The following CDCA2 variants were observed in gnomAD, a reference collection of about 807,000 sequenced individuals.
CDCA2 encodes cell division cycle associated 2, also known as cell division cycle-associated protein 2.
In CDCA2, 44 loss-of-function variants were observed where a neutral mutation model predicts 67.0. The ratio of observed to expected loss-of-function variants is 0.66; its 90% CI spans 0.52 to 0.84. The LOEUF is 0.84. Ranked by LOEUF, CDCA2 falls within the 40% of genes least tolerant of loss-of-function variation. The pLI is 0.00. For synonymous variants in CDCA2, 447 were observed against 418.7 expected, an observed-to-expected ratio of 1.07 and a Z score of -0.82; for missense variants, 1,253 against 1,203.2, an observed-to-expected ratio of 1.04 and a Z score of -0.61.
At chr8:25,463,471 T>C (rs1802780264) in intron 4 of CDCA2, among the ~76,000 whole-genome samples, 1 of 152,218 alleles carries the variant, frequency 6.6e-6, no homozygotes, top group South Asian at 2.1e-4. Context: ...GTGCTGCCAC[T>C]TGTATTAAAA....
At chr8:25,467,624 A>G (rs1802966493) in intron 5 of CDCA2, among the ~76,000 whole-genome samples, 1 of 152,180 alleles carries the variant, frequency 6.6e-6, no homozygotes, top group Admixed American at 6.5e-5. Flanking sequence ...ACCATATTAG[A>G]CATGCAAAAG....
In CDCA2 at chr8:25,460,529, T is replaced by C. The variant is rs1007253002; in HGVS notation, c.207T>C (p.Pro69=). ...CCGTAGAGCAATTGGGAATTACACC[T>C]GAAAGCTTTGTTAGGAACTCTGCAG... The part of the protein sequence containing the change: ...TVTVEQLGIT[P]ESFVRNSAGK... Residue 69 remains proline (P), a synonymous_variant, in exon 3 of 15, where the codon CCT becomes CCC. Transcript: ENST00000330560. The C allele has an allele frequency of 1.2e-6, 2 of 1,613,998 alleles. No homozygotes were observed. Among genetic ancestry groups the C allele is most frequent in the East Asian group, 4.5e-5 (2 of 44,878 alleles).
chr8:25,473,494 A>C (rs1472454435), intron 7 of CDCA2, among the ~76,000 whole-genome samples: 1 of 152,218 alleles, frequency 6.6e-6, no homozygotes, highest in Non-Finnish European at 1.5e-5. Flanking sequence ...CATGTGCATC[A>C]TATGAGCATT....
chr8:25,468,357 T>G lies in CDCA2; in HGVS notation c.679T>G (p.Phe227Val), dbSNP rs780407857. 1 of 1,613,820 alleles carries G rather than the reference T, an allele frequency of 6.2e-7. No homozygotes were observed. ...AEGKVIGLQI[F>V]NIDTDRACAV... is the part of the protein sequence containing the mutation. ...AGGAAAAGTAATTGGTCTCCAGATA[T>G]TCAATATTGATACAGACAGAGCATG... The change falls in exon 6 of 15, where the codon TTC becomes GTC. Residue 227 changes from phenylalanine (F) to valine (V), a missense_variant. By Grantham distance (50) the Phe-to-Val change is conservative. Coordinates refer to ENST00000330560, the MANE Select transcript of CDCA2 (RefSeq NM_152562.4).
Position 25,507,254 on chromosome 8 carries a change from G to T in CDCA2, c.2588G>T (p.Ser863Ile), listed in dbSNP as rs778164615. 11 of 1,614,010 alleles carry T rather than the reference G, an allele frequency of 6.8e-6. No homozygotes were observed. In the Admixed American group the frequency reaches 8.3e-5, roughly 12 times the overall value. ...SSSVGSSVEI[S>I]LENSELFKDL... Reference sequence around the variant, plus strand: ...AGTGTGGGCAGCTCTGTAGAAATTAGTTTAGAAAATTCTGAACTGTTTAAA... The same window carrying T: ...AGTGTGGGCAGCTCTGTAGAAATTATTTTAGAAAATTCTGAACTGTTTAAA... The change falls in exon 15 of 15, where the codon AGT becomes ATT. Residue 863 changes from serine (S) to isoleucine (I), a missense_variant. By Grantham distance (142) the Ser-to-Ile change is moderately radical (BLOSUM62 -2). Transcript: ENST00000330560.
chr8:25,475,728 C>T (rs1803323058), intron 7 of CDCA2, among the ~76,000 whole-genome samples: 1 of 152,160 alleles, frequency 6.6e-6, no homozygotes, highest in Non-Finnish European at 1.5e-5. Context: ...AACCATGTTT[C>T]CTGCAGTTTA....
At chr8:25,480,931 T>C (rs1417188390) in intron 8 of CDCA2, among the ~76,000 whole-genome samples, 1 of 152,244 alleles carries the variant, frequency 6.6e-6, no homozygotes, top group African/African-American at 2.4e-5. Flanking sequence ...AATGGGATAA[T>C]ATAAAATCAC....
At chr8:25,479,002 CGCA>C (rs1803464303) in intron 7 of CDCA2, among the ~76,000 whole-genome samples, 1 of 151,712 alleles carries the variant, frequency 6.6e-6, no homozygotes, top group Admixed American at 6.6e-5. Context: ...CCTAGTTTCC[CGCA>C]GTAGTGACAT....
At chr8:25,497,862 A>G (rs1487364047) in intron 13 of CDCA2, among the ~76,000 whole-genome samples, 1 of 152,192 alleles carries the variant, frequency 6.6e-6, no homozygotes, top group Non-Finnish European at 1.5e-5. Flanking sequence ...TTGCCCATCA[A>G]AACTGAATCT....
intron 3 of CDCA2, 85 bp downstream of exon 3, chr8:25,460,639 C>A: frequency 7.1e-7 from 1 of 1,404,272 alleles, no homozygotes; most frequent in Non-Finnish European, 9.7e-7. Flanking sequence ...TTTATACGTA[C>A]TGTCATATTT....
chr8:25,469,050 G>A (rs553076696), intron 6 of CDCA2, among the ~76,000 whole-genome samples: 1 of 152,220 alleles, frequency 6.6e-6, no homozygotes, highest in Non-Finnish European at 1.5e-5. Context: ...TGACCTGCGC[G>A]CACGCGTGAA....
rs1563289631 is a variant in CDCA2, at chr8:25,507,530, CAG to C, written c.2866_2867del (p.Asp956SerfsTer14). 6.2e-7 allele frequency: 1 copy of C among 1,613,988 alleles called. No homozygotes were observed. The highest frequency in any genetic ancestry group is 8.5e-7 in the Non-Finnish European group (1 of 1,179,992). The stretch of plus-strand genomic sequence containing the variant: ...AAACCGCAGATGGCACCTCCCGTCT[CAG>C]ATCCAGAAAACAGCCAGGGCCCTGC... On this transcript the variant is annotated frameshift_variant, in exon 15 of 15. Coordinates refer to ENST00000330560, the MANE Select transcript of CDCA2 (RefSeq NM_152562.4). LOFTEE classifies it low-confidence loss of function (END_TRUNC).
At chr8:25,476,817 G>GT (rs1251758464) in intron 7 of CDCA2, among the ~76,000 whole-genome samples, 1 of 152,052 alleles carries the variant, frequency 6.6e-6, no homozygotes, top group Non-Finnish European at 1.5e-5. Context: ...GCCTCCCAAA[G>GT]TGCTGGAATT....
At chr8:25,484,944 G>A (rs988228476) in intron 10 of CDCA2, among the ~76,000 whole-genome samples, 2 of 152,116 alleles carry the variant, frequency 1.3e-5, no homozygotes, top group Non-Finnish European at 2.9e-5. Context: ...CTACAGTTCA[G>A]TATCCTTGTA....
chr8:25,462,349 G>A (rs1425172989), intron 4 of CDCA2, 141 bp downstream of exon 4: 13 of 915,896 alleles, frequency 1.4e-5, no homozygotes, highest in Middle Eastern at 3.0e-4. Context: ...GTTAGCGGCC[G>A]GGCGCGGTGG....
chr8:25,485,809 T>A lies in CDCA2; in HGVS notation c.1416T>A (p.Asn472Lys). The A allele has an allele frequency of 6.2e-7, 1 of 1,606,106 alleles. No individual in the cohort carries two copies. Residue 472 changes from asparagine to lysine, a missense_variant, in exon 11 of 15, where the codon AAT becomes AAA. Coordinates refer to ENST00000330560, the MANE Select transcript of CDCA2 (RefSeq NM_152562.4). ...QVSFAVLSSPNKSSISETLSG... is the reference protein window; with the variant it reads ...QVSFAVLSSPKKSSISETLSG... ...CATTTGCCGTTCTCAGTTCTCCTAA[T>A]AAATCATCAATCTCTGAGACCCTTT...
chr8:25,488,600 G>GCCTTGT lies in CDCA2; in HGVS notation c.1582_1583insCCTTGT (p.Glu528delinsAlaLeuTer), dbSNP rs1803873842. 6.2e-7 allele frequency: 1 copy of GCCTTGT among 1,612,966 alleles called. No individual in the cohort carries two copies. The highest frequency in any genetic ancestry group is 1.3e-5 in the African/African-American group (1 of 74,836). ...GAGTGTTTGCAACTTATTGAATACAGAAGTTCAGCCTTGTAAAGAAAAGAA... is the reference window on the plus strand; with the variant it reads ...GAGTGTTTGCAACTTATTGAATACAGCCTTGTAAGTTCAGCCTTGTAAAGAAAAGAA... On this transcript the variant is annotated stop_gained and protein_altering_variant, in exon 13 of 15. Coordinates refer to ENST00000330560, the MANE Select transcript of CDCA2 (RefSeq NM_152562.4). LOFTEE classifies it high-confidence loss of function.
intron 13 of CDCA2, among the ~76,000 whole-genome samples, chr8:25,502,049 C>T (rs533966358): frequency 6.6e-6 from 1 of 152,264 alleles, no homozygotes; most frequent in East Asian, 1.9e-4. Context: ...AGGTGCGCAC[C>T]ACCACGCCCA....
At chr8:25,464,645 A>G (rs377675085) in intron 4 of CDCA2, among the ~76,000 whole-genome samples, 18 of 152,212 alleles carry the variant, frequency 1.2e-4, no homozygotes, top group African/African-American at 4.1e-4. Flanking sequence ...TTTAAGCAGC[A>G]TTTCAAAGTG....
Sources: allele counts gnomAD v4.1 joint callset (sites outside exome capture counted in the v4.1 genomes callset), GRCh38; gene constraint gnomAD v4.1.1; transcripts MANE v1.5; gene names NCBI Gene and HGNC (gene_info 2026-07-23, HGNC 2026-07-21).